MAN2A1: variants seen among roughly 807,000 people sequenced by gnomAD.
MAN2A1 encodes the protein mannosidase alpha class 2A member 1, also known as alpha-mannosidase 2.
In MAN2A1, 76 loss-of-function variants were observed where a neutral mutation model predicts 142.6. The ratio of observed to expected loss-of-function variants is 0.53; its 90% CI spans 0.44 to 0.65. MAN2A1 has a LOEUF of 0.65. MAN2A1 is among the 30% of genes least tolerant of loss of function. MAN2A1 has a pLI of 0.00. For missense variants in MAN2A1, 1,311 were observed against 1,365.1 expected, an observed-to-expected ratio of 0.96 and a Z score of 0.62; for synonymous variants, 559 against 473.2, an observed-to-expected ratio of 1.18 and a Z score of -2.35.
chr5:109,718,247 C>T (rs1195837061), intron 3 of MAN2A1, among the ~76,000 whole-genome samples: 3 of 152,116 alleles, frequency 2.0e-5, no homozygotes, highest in African/African-American at 4.8e-5. Context: ...ATATGAAGCC[C>T]ACTTCTTCCC....
At chr5:109,793,704 T>G (rs759272658) in intron 12 of MAN2A1, among the ~76,000 whole-genome samples, 11 of 152,204 alleles carry the variant, frequency 7.2e-5, no homozygotes, top group Non-Finnish European at 1.6e-4. Context: ...CTGAAAAATT[T>G]CAGATTGCAT....
At chr5:109,746,461 A>G (rs1215203605) in intron 4 of MAN2A1, among the ~76,000 whole-genome samples, 1 of 152,072 alleles carries the variant, frequency 6.6e-6, no homozygotes, top group Non-Finnish European at 1.5e-5. Flanking sequence ...GGTAACTACT[A>G]TGACCAGGCT....
chr5:109,856,296 A>T (rs1053199244), intron 20 of MAN2A1, among the ~76,000 whole-genome samples: 12 of 152,170 alleles, frequency 7.9e-5, no homozygotes, highest in African/African-American at 2.7e-4. Context: ...GAGAGGCCTA[A>T]GTTCAAAAGT....
chr5:109,797,311 A>G (rs1457832053), intron 12 of MAN2A1, among the ~76,000 whole-genome samples: 2 of 113,848 alleles, frequency 1.8e-5, no homozygotes, highest in Non-Finnish European at 3.9e-5. Flanking sequence ...ATAATCTCTG[A>G]GAAATATGAA....
At chr5:109,751,284 T>C (rs184599184) in intron 4 of MAN2A1, among the ~76,000 whole-genome samples, 3 of 152,224 alleles carry the variant, frequency 2.0e-5, no homozygotes, top group Admixed American at 2.0e-4. Flanking sequence ...TTTTGCTTAA[T>C]AGAATGACCT....
At chr5:109,761,167 A>T (rs142939872) in intron 5 of MAN2A1, among the ~76,000 whole-genome samples, 3,004 of 150,856 alleles carry the variant, frequency 0.02, 79 homozygotes, top group African/African-American at 0.069. Flanking sequence ...AGTTATAAAT[A>T]TGTAATAAAA....
chr5:109,728,516 C>T (rs185879194), intron 3 of MAN2A1, among the ~76,000 whole-genome samples: 180 of 151,648 alleles, frequency 1.2e-3, no homozygotes, highest in African/African-American at 4.2e-3. Context: ...TTTGCTTGGC[C>T]GTTTTAGTAG....
At chr5:109,744,984 C>T (rs1023437452) in intron 4 of MAN2A1, among the ~76,000 whole-genome samples, 1 of 152,040 alleles carries the variant, frequency 6.6e-6, no homozygotes, top group African/African-American at 2.4e-5. Context: ...AAATGTTCAG[C>T]AGAAGAAGAG....
intron 12 of MAN2A1, among the ~76,000 whole-genome samples, chr5:109,806,446 A>G (rs983660115): frequency 2.0e-5 from 3 of 152,208 alleles, no homozygotes; most frequent in African/African-American, 7.2e-5. Context: ...TTACCATAAC[A>G]TCTGAAAAAC....
intron 4 of MAN2A1, among the ~76,000 whole-genome samples, chr5:109,745,097 G>A (rs989200267): frequency 6.6e-6 from 1 of 152,120 alleles, no homozygotes; most frequent in South Asian, 2.1e-4. Context: ...GTTTTTTGGG[G>A]GCAGGGTGAG....
chr5:109,785,871 T>C (rs1391117318), intron 10 of MAN2A1, among the ~76,000 whole-genome samples: 1 of 152,126 alleles, frequency 6.6e-6, no homozygotes, highest in Non-Finnish European at 1.5e-5. Context: ...AGAATAGATT[T>C]TAAAAGTGAA....
At chr5:109,744,651 T>G (rs1449152147) in intron 4 of MAN2A1, among the ~76,000 whole-genome samples, 1 of 152,110 alleles carries the variant, frequency 6.6e-6, no homozygotes, top group Non-Finnish European at 1.5e-5. Context: ...CAACAGAAAC[T>G]CATATGTTGC....
intron 21 of MAN2A1, among the ~76,000 whole-genome samples, chr5:109,865,987 C>T (rs1185174597): frequency 1.3e-5 from 2 of 152,142 alleles, no homozygotes; most frequent in African/African-American, 4.8e-5. Context: ...GTAGACCAGA[C>T]TCAAGTGATT....
chr5:109,735,700 C>G (rs987960939), intron 4 of MAN2A1, among the ~76,000 whole-genome samples: 1 of 152,150 alleles, frequency 6.6e-6, no homozygotes, highest in Admixed American at 6.5e-5. Flanking sequence ...TTATTCTTAA[C>G]TATATTAAAA....
At chr5:109,770,646 C>G in intron 7 of MAN2A1, 105 bp downstream of exon 7, 1 of 1,027,224 alleles carries the variant, frequency 9.7e-7, no homozygotes. Flanking sequence ...CAACATTATC[C>G]TTGTTTGAAG....
chr5:109,762,878 A>G (rs1270948703), intron 5 of MAN2A1, among the ~76,000 whole-genome samples: 5 of 152,214 alleles, frequency 3.3e-5, no homozygotes, highest in African/African-American at 9.6e-5. Context: ...TTATTAAGCA[A>G]TTCATGAACA....
chr5:109,831,901 T>TA (rs904149240), intron 16 of MAN2A1, among the ~76,000 whole-genome samples: 1 of 151,460 alleles, frequency 6.6e-6, no homozygotes, highest in African/African-American at 2.4e-5. Context: ...GATTGAGATA[T>TA]AAAAATTATT....
At chr5:109,861,711 G>A (rs143486685) in intron 20 of MAN2A1, among the ~76,000 whole-genome samples, 2 of 152,300 alleles carry the variant, frequency 1.3e-5, no homozygotes, top group African/African-American at 4.8e-5. Flanking sequence ...AGCACGCTCA[G>A]GTGTGTCTGA....
chr5:109,862,168 A>T (rs1039621391), intron 20 of MAN2A1, among the ~76,000 whole-genome samples: 3 of 152,166 alleles, frequency 2.0e-5, no homozygotes, highest in Admixed American at 2.0e-4. Context: ...TAGCTTGCTG[A>T]ATTTATAGAG....
Sources: gnomAD v4.1 joint callset for allele counts (sites outside exome capture counted in the v4.1 genomes callset) on GRCh38, gnomAD v4.1.1 for gene constraint, MANE v1.5 for transcripts, NCBI Gene and HGNC (gene_info 2026-07-23, HGNC 2026-07-21) for gene names.